Variants in PTK2 observed in about 807,000 individuals in gnomAD.
The protein encoded by PTK2 is protein tyrosine kinase 2, also known as focal adhesion kinase 1.
In PTK2, 45 loss-of-function variants were observed where a neutral mutation model predicts 150.1. The observed-to-expected ratio is 0.30, with a 90% CI of 0.24 to 0.38. The LOEUF is 0.38. PTK2 is among the 10% of genes least tolerant of loss of function. PTK2 has a pLI of 1.00. For synonymous variants in PTK2, 432 were observed against 449.2 expected, an observed-to-expected ratio of 0.96 and a Z score of 0.48; for missense variants, 919 against 1,307.3, an observed-to-expected ratio of 0.70 and a Z score of 4.58.
intron 1 of PTK2, among the ~76,000 whole-genome samples, chr8:140,962,070 C>T (rs1025574733): frequency 6.6e-6 from 1 of 151,904 alleles, no homozygotes; most frequent in Non-Finnish European, 1.5e-5. Context: ...TGGCAAAACC[C>T]CGTCTCTACT....
chr8:140,904,957 A>G (rs2100160258), intron 2 of PTK2, among the ~76,000 whole-genome samples: 2 of 151,924 alleles, frequency 1.3e-5, no homozygotes, highest in African/African-American at 4.8e-5. Context: ...TCCTGGATTC[A>G]TTGATTTTTG....
At chr8:140,818,024 A>T (rs975334565) in intron 10 of PTK2, among the ~76,000 whole-genome samples, 3 of 152,190 alleles carry the variant, frequency 2.0e-5, no homozygotes, top group African/African-American at 7.2e-5. Flanking sequence ...GATAAACAGT[A>T]ACAACCCCAT....
intron 8 of PTK2, among the ~76,000 whole-genome samples, chr8:140,820,302 T>C (rs1485963135): frequency 2.6e-5 from 4 of 151,600 alleles, no homozygotes; most frequent in South Asian, 4.2e-4. Context: ...GGTTTCATCA[T>C]GTTGGCCAGG....
chr8:140,880,746 A>G (rs566186742), intron 3 of PTK2, among the ~76,000 whole-genome samples: 26 of 152,322 alleles, frequency 1.7e-4, no homozygotes, highest in African/African-American at 5.3e-4. Flanking sequence ...TATTATCCCC[A>G]GCCTTCTCCA....
intron 5 of PTK2, among the ~76,000 whole-genome samples, chr8:140,858,330 A>G (rs1450353682): frequency 1.3e-5 from 2 of 152,052 alleles, no homozygotes; most frequent in African/African-American, 4.8e-5. Context: ...AAAAGGTCAT[A>G]TCAGAATAGA....
rs114672844 is a variant in PTK2 at position 140,759,131 on chromosome 8, A to C, written c.1332+2034T>G. Among the ~76,000 whole-genome samples, 344 of 152,342 alleles carry C rather than the reference A, an allele frequency of 2.3e-3. 5 individuals carry two copies. The highest frequency in any genetic ancestry group is 7.6e-3 in the African/African-American group (318 of 41,576). On this transcript the variant is annotated intron_variant, in intron 16 of 31. Coordinates refer to ENST00000522684, the Ensembl canonical transcript of PTK2. ...CCTAACGATGCATTTGTCAGAAAGT[A>C]TCCCCATCTTTACACACGGCACATG...
At position 140,907,332 on chromosome 8, in the gene PTK2, C is replaced by A. The variant is rs551514101; in HGVS notation, c.-32-16563G>T. Among the ~76,000 whole-genome samples the A allele has an allele frequency of 2.6e-5, 4 of 152,302 alleles. No homozygotes were observed. The South Asian group carries it at 6.2e-4, about 24-fold the overall frequency. ...GATTTTGGAATATTTGCATTATACT[C>A]ACTGGTTGAACATCCCAAATAAGAA... On this transcript the variant is annotated intron_variant, in intron 2 of 31. Transcript: ENST00000522684.
At chr8:140,893,762 A>G (rs909942130) in intron 2 of PTK2, among the ~76,000 whole-genome samples, 2 of 152,202 alleles carry the variant, frequency 1.3e-5, no homozygotes, top group Non-Finnish European at 2.9e-5. Context: ...AAGTTGTTAA[A>G]ATGGTGAATT....
At chr8:140,794,572 C>A (rs2100090491) in intron 12 of PTK2, among the ~76,000 whole-genome samples, 1 of 152,192 alleles carries the variant, frequency 6.6e-6, no homozygotes, top group African/African-American at 2.4e-5. Flanking sequence ...TGTTCATTTA[C>A]AGTTAGCACT....
intron 2 of PTK2, among the ~76,000 whole-genome samples, chr8:140,919,776 T>A (rs971212194): frequency 6.6e-6 from 1 of 152,100 alleles, no homozygotes; most frequent in African/African-American, 2.4e-5. Context: ...GCAAAATATT[T>A]ACTCTGAGTA....
intron 2 of PTK2, among the ~76,000 whole-genome samples, chr8:140,920,574 T>C (rs2100167032): frequency 1.3e-5 from 2 of 152,160 alleles, no homozygotes; most frequent in African/African-American, 4.8e-5. Context: ...GGACAGAGCA[T>C]TAAAAGATAG....
chr8:140,899,370 C>T (rs1399113283), intron 2 of PTK2, among the ~76,000 whole-genome samples: 1 of 152,158 alleles, frequency 6.6e-6, no homozygotes, highest in Non-Finnish European at 1.5e-5. Flanking sequence ...AAGACTCTTA[C>T]AGAGACTATT....
Position 140,952,924 on chromosome 8 carries a change from G to C in PTK2, c.-121-27175C>G, listed in dbSNP as rs113149852. ...CTCCGTTTTCTGCTAATTAAAATGA[G>C]AAAAATGGCACCAAATAATCATTGC... On this transcript the variant is annotated intron_variant, in intron 1 of 31. Coordinates refer to ENST00000522684, the Ensembl canonical transcript of PTK2. 5.7e-3 allele frequency among the ~76,000 whole-genome samples: 864 copies of C among 152,218 alleles called. 11 individuals carry two copies. The highest frequency in any genetic ancestry group is 0.019 in the African/African-American group (791 of 41,554).
intron 14 of PTK2, among the ~76,000 whole-genome samples, chr8:140,786,629 G>T (rs1015340744): frequency 7.9e-5 from 12 of 151,936 alleles, no homozygotes; most frequent in African/African-American, 2.9e-4. Context: ...AAGGGAGGGA[G>T]GGCCGGCAGG....
intron 4 of PTK2, among the ~76,000 whole-genome samples, chr8:140,877,648 A>G (rs556112543): frequency 7.9e-5 from 12 of 152,028 alleles, no homozygotes; most frequent in Non-Finnish European, 1.5e-4. Flanking sequence ...ACAAGGCATC[A>G]ATGTCATCAT....
At chr8:140,694,140 A>G (rs2100024986) in intron 26 of PTK2, among the ~76,000 whole-genome samples, 1 of 148,746 alleles carries the variant, frequency 6.7e-6, no homozygotes. Context: ...TCCTGGGTTC[A>G]CGCCATTCTC....
intron 5 of PTK2, among the ~76,000 whole-genome samples, chr8:140,859,750 C>G (rs967071553): frequency 2.9e-5 from 4 of 136,456 alleles, no homozygotes; most frequent in Admixed American, 7.3e-5. Context: ...CTGTGCCCCC[C>G]CTCCCGCCCA....
chr8:140,683,408 A>T (rs1809616198), intron 27 of PTK2, among the ~76,000 whole-genome samples: 1 of 152,214 alleles, frequency 6.6e-6, no homozygotes, highest in South Asian at 2.1e-4. Flanking sequence ...TTCACAGTTG[A>T]ATTTTAACAG....
At chr8:140,717,505 T>C in intron 23 of PTK2, 93 bp downstream of exon 26, 1 of 953,614 alleles carries the variant, frequency 1.0e-6, no homozygotes. Context: ...TAACCTGATA[T>C]TTGACTTTCT....
Sources: gnomAD v4.1 joint callset for allele counts (sites outside exome capture counted in the v4.1 genomes callset) on GRCh38, gnomAD v4.1.1 for gene constraint, MANE v1.5 for transcripts, NCBI Gene and HGNC (gene_info 2026-07-23, HGNC 2026-07-21) for gene names.